MANBA: variants seen among roughly 807,000 people sequenced by gnomAD.
The protein encoded by MANBA is mannosidase beta.
In MANBA, 83 loss-of-function variants were observed where a neutral mutation model predicts 111.1. That is an observed-to-expected ratio of 0.75 (90% CI 0.63 to 0.90). MANBA has a LOEUF of 0.90. Ranked by LOEUF, MANBA falls within the 40% of genes least tolerant of loss-of-function variation. The pLI, the probability that MANBA is intolerant of heterozygous loss-of-function variation, is 0.00. For synonymous variants in MANBA, 370 were observed against 378.7 expected (o/e 0.98, Z 0.27); for missense variants, 1,036 against 1,069.0 (o/e 0.97, Z 0.43).
chr4:102,652,568 TA>T (rs202051131), intron 12 of MANBA, among the ~76,000 whole-genome samples: 1,551 of 152,162 alleles, frequency 0.01, 32 homozygotes, highest in African/African-American at 0.036. Context: ...TAACTTTTTT[TA>T]AAAAAAGAAT....
chr4:102,706,557 A>C (rs1277194285), intron 5 of MANBA, among the ~76,000 whole-genome samples: 2 of 152,256 alleles, frequency 1.3e-5, no homozygotes, highest in Non-Finnish European at 2.9e-5. Flanking sequence ...TGCAAAAGCA[A>C]GGAAATATGA....
chr4:102,720,305 G>A (rs2110191408), intron 4 of MANBA, among the ~76,000 whole-genome samples: 1 of 152,170 alleles, frequency 6.6e-6, no homozygotes, highest in South Asian at 2.1e-4. Flanking sequence ...CATGGTGGCA[G>A]GCGCCTGTAG....
chr4:102,650,634 C>G lies in MANBA; in HGVS notation c.1772G>C (p.Gly591Ala). ...AGCCTGATAAAGCATTTGTTTGTTA[C>G]CACCTTCGTGATGTTGTCGATGAAG... ...FSLHRQHHEG[G>A]NKQMLYQAGL... Residue 591 changes from glycine (G) to alanine (A), a missense_variant, in exon 13 of 17, where the codon GGT becomes GCT. Gly to Ala is a moderately conservative substitution (Grantham distance 60). Transcript: ENST00000647097. The G allele has an allele frequency of 6.2e-7, 1 of 1,613,406 alleles. No individual in the cohort carries two copies. The highest frequency in any genetic ancestry group is 8.5e-7 in the Non-Finnish European group (1 of 1,179,414).
rs1290063539 is a variant in MANBA at position 102,639,770 on chromosome 4, C to T, written c.1957G>A (p.Gly653Arg). The T allele has an allele frequency of 6.2e-7, 1 of 1,614,100 alleles. No homozygotes were observed. Among genetic ancestry groups the T allele is most frequent in the Non-Finnish European group, 8.5e-7 (1 of 1,180,004 alleles). Residue 653 changes from glycine (G) to arginine (R), a missense_variant, in exon 14 of 17, where the codon GGG (glycine) becomes AGG (arginine). By Grantham distance (125) the Gly-to-Arg change is moderately radical. Coordinates refer to ENST00000647097, the MANE Select transcript of MANBA (RefSeq NM_005908.4). ...TCATTCAACTGCCAATAAAGTGCCC[C>T]CATCGTGTGCCCTTGCTGATCCACT... ...EIVDQQGHTM[G>R]ALYWQLNDIW...
intron 6 of MANBA, among the ~76,000 whole-genome samples, chr4:102,689,922 A>AT (rs1732400297): frequency 6.6e-6 from 1 of 152,186 alleles, no homozygotes; most frequent in Non-Finnish European, 1.5e-5. Flanking sequence ...ACAGAATAAC[A>AT]TGAGTGTTCA....
At chr4:102,671,241 T>C (rs752267408) in intron 9 of MANBA, 40 bp downstream of exon 9, 4 of 1,232,500 alleles carry the variant, frequency 3.2e-6, no homozygotes, top group Middle Eastern at 1.9e-4. Flanking sequence ...ACTGAGGATA[T>C]AGTAACTTAT....
At chr4:102,703,768 C>T (rs776642579) in intron 5 of MANBA, among the ~76,000 whole-genome samples, 2 of 152,152 alleles carry the variant, frequency 1.3e-5, no homozygotes, top group African/African-American at 4.8e-5. Flanking sequence ...GCACTCCCCA[C>T]TTTGCAAGCC....
rs1729384796 is a variant in MANBA, at chr4:102,631,757, G to A, written c.*300C>T. ...TCACATTCTTGTAACCAGCTGCAGG[G>A]CCATCTTGTTATAACTGGTTCATGT... On this transcript the variant is annotated 3_prime_UTR_variant, in exon 17 of 17. Transcript: ENST00000647097. The A allele has an allele frequency of 1.7e-6, 1 of 577,216 alleles. No homozygotes were observed. The highest frequency in any genetic ancestry group is 1.9e-5 in the African/African-American group (1 of 53,748). 35.8% of individuals were successfully genotyped at this position (577,216 alleles called of 1,614,324 possible). A position where few individuals can be genotyped will look rare whatever the true frequency, so the allele number is the denominator to read the frequency against.
chr4:102,693,048 C>T (rs1414655083), intron 5 of MANBA, among the ~76,000 whole-genome samples: 1 of 152,098 alleles, frequency 6.6e-6, no homozygotes, highest in Non-Finnish European at 1.5e-5. Flanking sequence ...TAATCCTGGA[C>T]TTAAGAACTA....
intron 5 of MANBA, among the ~76,000 whole-genome samples, chr4:102,694,375 C>T (rs185362636): frequency 2.6e-5 from 4 of 152,232 alleles, no homozygotes; most frequent in Middle Eastern, 3.4e-3. Context: ...GTTCACAAGG[C>T]GCAAAGTCTT....
In MANBA at chr4:102,751,763, C is replaced by T; in HGVS notation, c.177+8955G>A. On this transcript the variant is annotated intron_variant, in intron 1 of 16. Coordinates refer to ENST00000647097, the MANE Select transcript of MANBA (RefSeq NM_005908.4). ...TCTTGACTGGTTCTTATGATAAGACCTCTCAAATCCGGTCCTTGGAAAGAA... is the reference window on the plus strand; with the variant it reads ...TCTTGACTGGTTCTTATGATAAGACTTCTCAAATCCGGTCCTTGGAAAGAA... The T allele has an allele frequency of 1.1e-5, 6 of 530,530 alleles. No homozygotes were observed. The East Asian group carries it at 3.2e-4, about 29-fold the overall frequency. The allele number at this position is 530,530 out of a possible 1,614,324, so 32.9% of individuals were successfully genotyped here. A position where few individuals can be genotyped will look rare whatever the true frequency, so the allele number is the denominator to read the frequency against.
intron 5 of MANBA, among the ~76,000 whole-genome samples, chr4:102,691,189 T>C (rs1323020970): frequency 1.3e-5 from 2 of 152,096 alleles, no homozygotes; most frequent in Non-Finnish European, 2.9e-5. Context: ...TTTAAAGTTA[T>C]GTAATAAGGT....
At chr4:102,747,158 GAT>G (rs144093849) in intron 1 of MANBA, among the ~76,000 whole-genome samples, 24 of 145,234 alleles carry the variant, frequency 1.7e-4, no homozygotes, top group African/African-American at 5.1e-4. Flanking sequence ...GAACTAATGG[GAT>G]ATATATATAT....
At chr4:102,711,750 T>G (rs1303558326) in intron 5 of MANBA, among the ~76,000 whole-genome samples, 3 of 152,174 alleles carry the variant, frequency 2.0e-5, no homozygotes, top group African/African-American at 2.4e-5. Context: ...AATAAAATCA[T>G]GTCTTCCACA....
rs1003830603 is a variant in MANBA, at chr4:102,718,815, T to C, written c.549+4056A>G. On this transcript the variant is annotated intron_variant, in intron 4 of 16. Coordinates refer to ENST00000647097, the MANE Select transcript of MANBA (RefSeq NM_005908.4). ...TACAGCTGGGCCTCTGGGGATGACA[T>C]CACATATTGGTAGGACCGTGATGAC... is the stretch of plus-strand genomic sequence containing the variant. Among the ~76,000 whole-genome samples the C allele has an allele frequency of 8.5e-5, 13 of 152,100 alleles. No individual in the cohort carries two copies. In the East Asian group the frequency reaches 2.5e-3, roughly 29 times the overall value.
At chr4:102,674,113 T>A in intron 7 of MANBA, 43 bp from the exon 8 acceptor site, 1 of 1,461,194 alleles carries the variant, frequency 6.8e-7, no homozygotes, top group Non-Finnish European at 9.5e-7. Context: ...AATTTAAACA[T>A]AAGCAAAATA....
At chr4:102,641,141 G>A (rs1269663919) in intron 13 of MANBA, among the ~76,000 whole-genome samples, 2 of 152,194 alleles carry the variant, frequency 1.3e-5, no homozygotes, top group Non-Finnish European at 2.9e-5. Context: ...GCTGTAGAGT[G>A]AGGATTGGCC....
chr4:102,755,400 G>T (rs1177822770), intron 1 of MANBA, among the ~76,000 whole-genome samples: 1 of 152,154 alleles, frequency 6.6e-6, no homozygotes, highest in Non-Finnish European at 1.5e-5. Context: ...AATGGTGCTG[G>T]GAAAACTGGC....
At chr4:102,748,614 T>C (rs953199353) in intron 1 of MANBA, among the ~76,000 whole-genome samples, 2 of 152,152 alleles carry the variant, frequency 1.3e-5, no homozygotes, top group African/African-American at 4.8e-5. Flanking sequence ...ATAGCCTACC[T>C]TTAAAACTGT....
Sources: allele counts gnomAD v4.1 joint callset (sites outside exome capture counted in the v4.1 genomes callset), GRCh38; gene constraint gnomAD v4.1.1; transcripts MANE v1.5; gene names NCBI Gene and HGNC (gene_info 2026-07-23, HGNC 2026-07-21).